CRYL1: variants seen among roughly 807,000 people sequenced by gnomAD.
CRYL1 encodes the protein crystallin lambda 1.
Under a neutral mutation model 36.6 loss-of-function variants are expected in CRYL1, and 29 were observed. The ratio of observed to expected loss-of-function variants is 0.79; its 90% CI spans 0.59 to 1.08. The LOEUF is 1.08. Among genes scored for constraint, CRYL1 ranks in the 50% least tolerant of loss-of-function variants. The pLI is 0.00. For missense variants in CRYL1, 411 were observed against 407.9 expected (o/e 1.01, Z -0.06); for synonymous variants, 152 against 151.5 (o/e 1.00, Z -0.02).
intron 3 of CRYL1, among the ~76,000 whole-genome samples, chr13:20,457,173 C>T (rs944893446): frequency 2.0e-5 from 3 of 152,180 alleles, no homozygotes; most frequent in Non-Finnish European, 4.4e-5. Context: ...ACCACAGCCT[C>T]GGCCCTGGGC....
chr13:20,438,038 C>T (rs190230961), intron 4 of CRYL1, among the ~76,000 whole-genome samples: 3 of 152,320 alleles, frequency 2.0e-5, no homozygotes, highest in East Asian at 3.9e-4. Flanking sequence ...TAGGGTCCCT[C>T]GTAATGCTAA....
chr13:20,477,932 T>C (rs1330511651), intron 3 of CRYL1, among the ~76,000 whole-genome samples: 3 of 146,262 alleles, frequency 2.1e-5, no homozygotes, highest in East Asian at 2.0e-4. Flanking sequence ...TATTACAGTA[T>C]ATTATATATT....
chr13:20,490,306 C>T (rs936197704), intron 2 of CRYL1, among the ~76,000 whole-genome samples: 7 of 152,244 alleles, frequency 4.6e-5, no homozygotes, highest in African/African-American at 7.2e-5. Context: ...GCAGGAGAAT[C>T]GCTTGAACCC....
intron 2 of CRYL1, among the ~76,000 whole-genome samples, chr13:20,510,388 T>G (rs2033891380): frequency 6.6e-6 from 1 of 152,172 alleles, no homozygotes; most frequent in African/African-American, 2.4e-5. Flanking sequence ...AAGAAGCCAG[T>G]CTGCAAAGCC....
At chr13:20,407,393 AT>A (rs1308215081) in intron 6 of CRYL1, among the ~76,000 whole-genome samples, 1 of 152,034 alleles carries the variant, frequency 6.6e-6, no homozygotes, top group African/African-American at 2.4e-5. Flanking sequence ...CAGTAAACTT[AT>A]GACTGTGACT....
intron 4 of CRYL1, among the ~76,000 whole-genome samples, chr13:20,436,924 C>CTG (rs78383265): frequency 0.75 from 113,668 of 151,690 alleles, 43,449 homozygotes; most frequent in Admixed American, 0.83. Context: ...TTCTCGGAAA[C>CTG]TGGTTCCTCA....
intron 6 of CRYL1, among the ~76,000 whole-genome samples, chr13:20,412,118 C>A (rs1259159711): frequency 6.6e-6 from 1 of 152,122 alleles, no homozygotes; most frequent in Admixed American, 6.6e-5. Context: ...GCAACCACAT[C>A]CCCTTTTCAG....
chr13:20,507,423 T>G (rs550328038), intron 2 of CRYL1, among the ~76,000 whole-genome samples: 1 of 152,334 alleles, frequency 6.6e-6, no homozygotes, highest in African/African-American at 2.4e-5. Flanking sequence ...ATTTACTATC[T>G]GGTCTTTACA....
At chr13:20,509,759 C>T (rs957623975) in intron 2 of CRYL1, among the ~76,000 whole-genome samples, 5 of 152,132 alleles carry the variant, frequency 3.3e-5, no homozygotes, top group South Asian at 2.1e-4. Context: ...GAAAACCTAT[C>T]TCTACTAAAA....
chr13:20,432,227 C>G lies in CRYL1; in HGVS notation c.508G>C (p.Asp170His). 6.2e-7 allele frequency: 1 copy of G among 1,613,884 alleles called. No homozygotes were observed. The highest frequency in any genetic ancestry group is 8.5e-7 in the Non-Finnish European group (1 of 1,179,972). Residue 170 changes from aspartate to histidine, a missense_variant, in exon 5 of 8, where the codon GAC (aspartate) becomes CAC (histidine). Physicochemically the swap from Asp to His is moderately conservative, Grantham distance 81. Transcript: ENST00000298248. ...TTCTTCATCAGGGCGTGGGTTCTGT[C>G]CACTGTCGTAGGGGCCGTCTCCGGG... is the stretch of plus-strand genomic sequence containing the variant. ...PHPETAPTTV[D>H]RTHALMKKIG...
chr13:20,487,778 C>CAA (rs60481026), intron 3 of CRYL1, among the ~76,000 whole-genome samples: 2 of 145,716 alleles, frequency 1.4e-5, no homozygotes, highest in African/African-American at 5.1e-5. Flanking sequence ...GACTCTATCT[C>CAA]AAAAAAAAAC....
chr13:20,464,704 G>C (rs563099620), intron 3 of CRYL1, among the ~76,000 whole-genome samples: 1 of 152,268 alleles, frequency 6.6e-6, no homozygotes, highest in African/African-American at 2.4e-5. Context: ...TAGCCTTTTG[G>C]AATTTTTTTT....
chr13:20,484,151 A>G (rs1218472046), intron 3 of CRYL1, among the ~76,000 whole-genome samples: 3 of 152,156 alleles, frequency 2.0e-5, no homozygotes, highest in African/African-American at 7.2e-5. Context: ...AAAAAAGAAA[A>G]CTGTCTCCAA....
intron 5 of CRYL1, among the ~76,000 whole-genome samples, chr13:20,419,839 C>T (rs1033934138): frequency 2.0e-5 from 3 of 152,234 alleles, no homozygotes; most frequent in African/African-American, 7.2e-5. Flanking sequence ...TTTCTATACT[C>T]TTCACCACAT....
chr13:20,456,656 AAC>A lies in CRYL1; in HGVS notation c.277-16904_277-16903del, dbSNP rs35160798. On this transcript the variant is annotated intron_variant, in intron 3 of 7. Transcript: ENST00000298248. ...CACACACAAAGACCACGATTCTTAA[AAC>A]ACACACACACACACACACACCCCAG... 1.9e-3 allele frequency among the ~76,000 whole-genome samples: 271 copies of A among 142,886 alleles called. 1 individual carries two copies. The highest frequency in any genetic ancestry group is 6.9e-3 in the Middle Eastern group (2 of 288). The allele number at this position is 142,886 out of a possible 152,430, so 93.7% of individuals were successfully genotyped here.
intron 3 of CRYL1, 92 bp downstream of exon 3, chr13:20,489,278 G>A (rs2033460696): frequency 1.5e-5 from 22 of 1,487,386 alleles, no homozygotes; most frequent in Non-Finnish European, 1.9e-5. Flanking sequence ...GCCCACACCT[G>A]CCACTGCTCT....
At chr13:20,426,403 C>G (rs1183872586) in intron 5 of CRYL1, among the ~76,000 whole-genome samples, 1 of 152,076 alleles carries the variant, frequency 6.6e-6, no homozygotes, top group Admixed American at 6.5e-5. Context: ...GCCACCTGCC[C>G]AGCTACTTTT....
chr13:20,448,539 A>C (rs2032502144), intron 3 of CRYL1, among the ~76,000 whole-genome samples: 1 of 152,230 alleles, frequency 6.6e-6, no homozygotes, highest in Non-Finnish European at 1.5e-5. Flanking sequence ...ACAGAAGACA[A>C]AGAGAAATAT....
chr13:20,452,284 C>T (rs192406614), intron 3 of CRYL1, among the ~76,000 whole-genome samples: 1 of 144,866 alleles, frequency 6.9e-6, no homozygotes, highest in African/African-American at 2.5e-5. Context: ...TCTAAACTAT[C>T]TAGAAAAAAA....
Sources: gnomAD v4.1 joint callset for allele counts (sites outside exome capture counted in the v4.1 genomes callset) on GRCh38, gnomAD v4.1.1 for gene constraint, MANE v1.5 for transcripts, NCBI Gene and HGNC (gene_info 2026-07-23, HGNC 2026-07-21) for gene names.